CDH13: variants seen among roughly 807,000 people sequenced by gnomAD.
CDH13 encodes the protein cadherin-13.
CDH13 carries 24 observed loss-of-function variants against 63.8 expected under a neutral mutation model. The ratio of observed to expected loss-of-function variants is 0.38; its 90% CI spans 0.27 to 0.53. The LOEUF (loss-of-function observed/expected upper bound fraction) is 0.53. CDH13 is among the 20% of genes least tolerant of loss of function. CDH13 has a pLI of 0.85. For synonymous variants in CDH13, 503 were observed against 355.3 expected (o/e 1.42, Z -4.67); for missense variants, 1,049 against 903.1 (o/e 1.16, Z -2.07).
intron 7 of CDH13, among the ~76,000 whole-genome samples, chr16:83,592,905 G>A (rs924085603): frequency 2.0e-5 from 3 of 152,190 alleles, no homozygotes; most frequent in African/African-American, 7.2e-5. Context: ...CCTGCTGCCT[G>A]GGAAGATGGA....
chr16:83,004,526 A>T (rs1199624863), intron 2 of CDH13, among the ~76,000 whole-genome samples: 2 of 152,016 alleles, frequency 1.3e-5, no homozygotes, highest in Non-Finnish European at 2.9e-5. Flanking sequence ...TTTTCCCAAG[A>T]CTGAGTCTCA....
chr16:83,236,605 C>G lies in CDH13; in HGVS notation c.636+19108C>G, dbSNP rs78335570. ...TATTCTGGAAAAACAGTTCTGGAGA[C>G]AGATTCTGGCATTAACTATCTCTGT... On this transcript the variant is annotated intron_variant, in intron 5 of 13. Coordinates refer to ENST00000567109, the MANE Select transcript of CDH13 (RefSeq NM_001257.5). Among the ~76,000 whole-genome samples the G allele has an allele frequency of 3.1e-3, 476 of 152,240 alleles. 3 individuals are homozygous for G. Among genetic ancestry groups the G allele is most frequent in the African/African-American group, 0.011 (454 of 41,540 alleles).
chr16:83,232,553 CAAAAAAAA>C (rs869051890), intron 5 of CDH13, among the ~76,000 whole-genome samples: 1 of 102,446 alleles, frequency 9.8e-6, no homozygotes, highest in African/African-American at 2.9e-5. Context: ...AACAAACAAA[CAAAAAAAA>C]AAAAAAGTGT....
intron 5 of CDH13, among the ~76,000 whole-genome samples, chr16:83,271,975 G>C (rs2151846988): frequency 6.6e-6 from 1 of 152,228 alleles, no homozygotes; most frequent in Middle Eastern, 3.4e-3. Flanking sequence ...TATCATAATG[G>C]TAATAAACAT....
At chr16:83,540,820 G>A (rs574691738) in intron 7 of CDH13, among the ~76,000 whole-genome samples, 24 of 152,248 alleles carry the variant, frequency 1.6e-4, no homozygotes, top group South Asian at 4.2e-4. Context: ...AGTAGAGATG[G>A]GTTTTCACCA....
At chr16:83,002,498 T>A (rs1180969991) in intron 2 of CDH13, among the ~76,000 whole-genome samples, 1 of 152,196 alleles carries the variant, frequency 6.6e-6, no homozygotes, top group Non-Finnish European at 1.5e-5. Context: ...CCACAAAGCT[T>A]ATAGTTTGTT....
intron 3 of CDH13, among the ~76,000 whole-genome samples, chr16:83,110,549 A>G (rs2035007357): frequency 6.6e-6 from 1 of 152,196 alleles, no homozygotes; most frequent in African/African-American, 2.4e-5. Context: ...TGAAGGCAGC[A>G]CATGCTCAGT....
At chr16:83,627,263 C>G (rs1910396092) in intron 8 of CDH13, among the ~76,000 whole-genome samples, 1 of 152,088 alleles carries the variant, frequency 6.6e-6, no homozygotes, top group Non-Finnish European at 1.5e-5. Context: ...GCACTCCAGC[C>G]TGGGCAACAG....
At chr16:83,108,774 A>C (rs17194386) in intron 3 of CDH13, among the ~76,000 whole-genome samples, 16,581 of 152,114 alleles carry the variant, frequency 0.11, 1,088 homozygotes, top group African/African-American at 0.18. Context: ...CTCTGCATTT[A>C]TTTGCCTTAT....
intron 10 of CDH13, among the ~76,000 whole-genome samples, chr16:83,704,873 C>A (rs150281173): frequency 5.2e-4 from 79 of 152,346 alleles, no homozygotes; most frequent in Middle Eastern, 3.4e-3. Context: ...TGTTATGCAG[C>A]ATCAAAGCTG....
intron 2 of CDH13, among the ~76,000 whole-genome samples, chr16:82,864,079 G>A (rs1261321780): frequency 1.3e-5 from 2 of 152,214 alleles, no homozygotes; most frequent in Admixed American, 1.3e-4. Context: ...TTTGCTTTGT[G>A]AAAAATGCAC....
chr16:83,141,967 C>A (rs1250541498), intron 4 of CDH13, among the ~76,000 whole-genome samples: 1 of 152,068 alleles, frequency 6.6e-6, no homozygotes, highest in Non-Finnish European at 1.5e-5. Context: ...AGGACCCACC[C>A]AGTCTTTGAA....
chr16:83,666,570 C>G (rs917345506), intron 8 of CDH13, among the ~76,000 whole-genome samples: 1 of 152,238 alleles, frequency 6.6e-6, no homozygotes, highest in Non-Finnish European at 1.5e-5. Flanking sequence ...TAAGGTGACT[C>G]TACCACCTCT....
At chr16:83,007,042 A>G (rs555156109) in intron 2 of CDH13, among the ~76,000 whole-genome samples, 29 of 151,804 alleles carry the variant, frequency 1.9e-4, no homozygotes, top group Non-Finnish European at 3.4e-4. Context: ...TCCTGCCTCA[A>G]CTTCCCAAGT....
chr16:82,990,874 G>C (rs7198797), intron 2 of CDH13, among the ~76,000 whole-genome samples: 23,388 of 152,132 alleles, frequency 0.15, 2,197 homozygotes, highest in Non-Finnish European at 0.21. Flanking sequence ...TTTCTTATCA[G>C]ATTTCAGCAC....
At chr16:83,634,803 T>C (rs969504201) in intron 8 of CDH13, among the ~76,000 whole-genome samples, 5 of 152,210 alleles carry the variant, frequency 3.3e-5, no homozygotes, top group African/African-American at 1.2e-4. Context: ...TATTCCATGG[T>C]ATGGTATGCC....
intron 6 of CDH13, among the ~76,000 whole-genome samples, chr16:83,349,833 T>C (rs1181879982): frequency 6.6e-6 from 1 of 152,072 alleles, no homozygotes; most frequent in Non-Finnish European, 1.5e-5. Flanking sequence ...ACTCCTGACC[T>C]CAGGTTATCC....
chr16:83,754,152 C>G (rs925343493), intron 11 of CDH13, among the ~76,000 whole-genome samples: 1 of 152,078 alleles, frequency 6.6e-6, no homozygotes, highest in African/African-American at 2.4e-5. Flanking sequence ...CCTTGGGTCT[C>G]ACAGAAAACA....
chr16:82,865,586 C>G (rs2040102616), intron 2 of CDH13, among the ~76,000 whole-genome samples: 1 of 152,206 alleles, frequency 6.6e-6, no homozygotes, highest in African/African-American at 2.4e-5. Flanking sequence ...TGAGACGGCA[C>G]AAAGCAGCAA....
Sources: gnomAD v4.1 joint callset for allele counts (sites outside exome capture counted in the v4.1 genomes callset) on GRCh38, gnomAD v4.1.1 for gene constraint, MANE v1.5 for transcripts, NCBI Gene and HGNC (gene_info 2026-07-23, HGNC 2026-07-21) for gene names.